The following DST variants were observed in gnomAD, a reference collection of about 807,000 sequenced individuals.
The protein encoded by DST is bullous pemphigoid antigen.
DST carries 253 observed loss-of-function variants against 875.2 expected under a neutral mutation model. The observed-to-expected ratio is 0.29, with a 90% CI of 0.26 to 0.32. The LOEUF (loss-of-function observed/expected upper bound fraction) is 0.32, where lower values mean the gene tolerates loss of function less well. Ranked by LOEUF, DST falls within the 10% of genes least tolerant of loss-of-function variation. The pLI is 1.00. For synonymous variants in DST, 3,124 were observed against 3,197.1 expected (o/e 0.98, Z 0.77); for missense variants, 8,287 against 9,111.6 (o/e 0.91, Z 3.68).
chr6:56,867,682 T>C (rs745941216), intron 3 of DST, among the ~76,000 whole-genome samples: 30 of 152,060 alleles, frequency 2.0e-4, no homozygotes, highest in Non-Finnish European at 3.2e-4. Context: ...CAGTGTATTT[T>C]GAGGTATGGT....
chr6:56,806,998 A>ATAT (rs2099753690), intron 4 of DST, among the ~76,000 whole-genome samples: 1 of 152,176 alleles, frequency 6.6e-6, no homozygotes, highest in Non-Finnish European at 1.5e-5. Context: ...AGATCTAAAT[A>ATAT]TATACTACGT....
intron 4 of DST, among the ~76,000 whole-genome samples, chr6:56,798,187 C>T (rs1226763508): frequency 6.6e-6 from 1 of 152,138 alleles, no homozygotes; most frequent in Non-Finnish European, 1.5e-5. Context: ...AAACAGTCTT[C>T]CAATGGAAGA....
At chr6:56,905,499 T>C (rs1194641302) in intron 2 of DST, among the ~76,000 whole-genome samples, 1 of 152,234 alleles carries the variant, frequency 6.6e-6, no homozygotes. Context: ...ATAAATGGAA[T>C]CATTCAGTAT....
At chr6:56,556,544 T>C (rs2097422124) in intron 59 of DST, among the ~76,000 whole-genome samples, 1 of 152,230 alleles carries the variant, frequency 6.6e-6, no homozygotes, top group Admixed American at 6.5e-5. Flanking sequence ...TTTTATCTTT[T>C]GTTTTCATTG....
intron 5 of DST, among the ~76,000 whole-genome samples, chr6:56,719,649 C>A (rs967289868): frequency 6.6e-5 from 10 of 152,220 alleles, no homozygotes; most frequent in Non-Finnish European, 1.3e-4. Flanking sequence ...GGGCAAAATT[C>A]ACCCCCGACA....
At chr6:56,758,410 T>C (rs2099609343) in intron 4 of DST, among the ~76,000 whole-genome samples, 1 of 151,112 alleles carries the variant, frequency 6.6e-6, no homozygotes, top group Admixed American at 6.6e-5. Flanking sequence ...GGCAAAGCAA[T>C]GTGACAAAAG....
At chr6:56,538,266 A>G in intron 61 of DST, among the ~76,000 whole-genome samples, 1 of 152,190 alleles carries the variant, frequency 6.6e-6, no homozygotes, top group East Asian at 1.9e-4. Flanking sequence ...CTGGGATTAC[A>G]GGTATGAGCC....
chr6:56,506,834 A>G (rs2096331033), intron 75 of DST, 45 bp from the exon 76 acceptor site: 1 of 1,568,444 alleles, frequency 6.4e-7, no homozygotes, highest in African/African-American at 1.4e-5. Flanking sequence ...GCAAAACCAC[A>G]TCAAAACTTT....
Position 56,782,875 on chromosome 6 carries a change from C to T in DST, c.626-47586G>A, listed in dbSNP as rs1274582613. Among the ~76,000 whole-genome samples, 9 of 152,062 alleles carry T rather than the reference C, an allele frequency of 5.9e-5. No homozygotes were observed. In the East Asian group the frequency reaches 1.7e-3, roughly 29 times the overall value. ...TGTGGGCATTTAGTGCTATAAATTT[C>T]CCTCTACACACTGCTTTGAATGTGT... On this transcript the variant is annotated intron_variant, in intron 4 of 103. Transcript: ENST00000680361.
intron 58 of DST, among the ~76,000 whole-genome samples, chr6:56,559,480 G>A (rs2097498236): frequency 6.6e-6 from 1 of 151,960 alleles, no homozygotes; most frequent in South Asian, 2.1e-4. Flanking sequence ...TGACTCTAAA[G>A]GAAGGACAAT....
At position 56,606,153 on chromosome 6, in the gene DST, C is replaced by T. The variant is rs771437107; in HGVS notation, c.8475G>A (p.Lys2825=). The T allele has an allele frequency of 1.3e-5, 21 of 1,607,962 alleles. No homozygotes were observed. The highest frequency in any genetic ancestry group is 1.8e-5 in the Non-Finnish European group (21 of 1,176,270). The part of the protein sequence containing the change: ...EGGGIRDENG[K]PRCQNVAEDM... ...CTTCAGCCACATTTTGGCACCTGGGCTTTCCATTCTCATCTCTTATACCTC... is the reference window on the plus strand; with the variant it reads ...CTTCAGCCACATTTTGGCACCTGGGTTTTCCATTCTCATCTCTTATACCTC... The change falls in exon 40 of 104, where the codon AAG becomes AAA. Residue 2825 remains lysine, a synonymous_variant. Coordinates refer to ENST00000680361, the MANE Select transcript of DST (RefSeq NM_001374736.1).
chr6:56,747,348 G>A (rs1439241166), intron 4 of DST, among the ~76,000 whole-genome samples: 1 of 152,132 alleles, frequency 6.6e-6, no homozygotes, highest in Non-Finnish European at 1.5e-5. Flanking sequence ...CTTCCTGTAA[G>A]TGCAGTTGCT....
At chr6:56,811,713 T>C (rs905964373) in intron 4 of DST, among the ~76,000 whole-genome samples, 2 of 152,186 alleles carry the variant, frequency 1.3e-5, no homozygotes, top group African/African-American at 2.4e-5. Flanking sequence ...CAATCTGATA[T>C]ATCAATGTCA....
rs754042845 is a variant in DST at position 56,938,104 on chromosome 6, CTCTCTATATATA to C, written c.216+15669_216+15680del. Among the ~76,000 whole-genome samples the C allele has an allele frequency of 6.1e-3, 352 of 57,422 alleles. 1 individual carries two copies. The highest frequency in any genetic ancestry group is 0.022 in the African/African-American group (319 of 14,704). The allele number at this position is 57,422 out of a possible 152,430, so 37.7% of individuals were successfully genotyped here. ...TCTTTCTCTCTCTCTCTCTCTCTCT[CTCTCTATATATA>C]TATATATATATATATGTTTAAAAAA... On this transcript the variant is annotated intron_variant, in intron 2 of 103. Coordinates refer to ENST00000680361, the MANE Select transcript of DST (RefSeq NM_001374736.1).
chr6:56,736,093 T>G (rs542592550), intron 4 of DST, among the ~76,000 whole-genome samples: 2 of 152,126 alleles, frequency 1.3e-5, no homozygotes, highest in Non-Finnish European at 2.9e-5. Context: ...TTTCACCATG[T>G]TGGCCAGGCT....
At chr6:56,700,611 T>A (rs2099296448) in intron 8 of DST, among the ~76,000 whole-genome samples, 1 of 152,150 alleles carries the variant, frequency 6.6e-6, no homozygotes, top group Admixed American at 6.5e-5. Context: ...ATACTCAGAC[T>A]TAAAGCTTAT....
intron 34 of DST, among the ~76,000 whole-genome samples, chr6:56,626,045 G>A (rs112027386): frequency 0.022 from 3,282 of 151,086 alleles, 98 homozygotes; most frequent in African/African-American, 0.075. Context: ...GAAAGAAGAT[G>A]CTTTTGTATG....
At chr6:56,793,066 C>T in intron 4 of DST, among the ~76,000 whole-genome samples, 1 of 54,600 alleles carries the variant, frequency 1.8e-5, no homozygotes, top group African/African-American at 7.5e-5. Context: ...GAGACCCTGT[C>T]TCAAAAAAAA....
At chr6:56,833,212 A>G (rs1185493853) in intron 4 of DST, among the ~76,000 whole-genome samples, 1 of 152,238 alleles carries the variant, frequency 6.6e-6, no homozygotes. Context: ...GTTAACAGAA[A>G]AAAAGCAAAT....
Sources: allele counts gnomAD v4.1 joint callset (sites outside exome capture counted in the v4.1 genomes callset), GRCh38; gene constraint gnomAD v4.1.1; transcripts MANE v1.5; gene names NCBI Gene and HGNC (gene_info 2026-07-23, HGNC 2026-07-21).